Variants in KCNT2 observed in about 807,000 individuals in gnomAD.
KCNT2 encodes potassium channel subfamily T member 2.
A neutral mutation model predicts 153.8 loss-of-function variants in KCNT2; 67 were observed. That is an observed-to-expected ratio of 0.44 (90% confidence interval 0.36 to 0.53). The LOEUF (loss-of-function observed/expected upper bound fraction) is 0.53, where lower values mean the gene tolerates loss of function less well. Ranked by LOEUF, KCNT2 falls within the 20% of genes least tolerant of loss-of-function variation. KCNT2 has a pLI of 0.00. For synonymous variants in KCNT2, 500 were observed against 458.8 expected (o/e 1.09, Z -1.15); for missense variants, 975 against 1,354.8 (o/e 0.72, Z 4.40).
intron 13 of KCNT2, among the ~76,000 whole-genome samples, chr1:196,376,453 C>A (rs1572218458): frequency 6.6e-6 from 1 of 151,576 alleles, no homozygotes; most frequent in South Asian, 2.1e-4. Flanking sequence ...CAGGAACTAC[C>A]ACCAAATAAT....
At chr1:196,283,694 C>G (rs1429840186) in intron 23 of KCNT2, among the ~76,000 whole-genome samples, 1 of 152,040 alleles carries the variant, frequency 6.6e-6, no homozygotes, top group Non-Finnish European at 1.5e-5. Flanking sequence ...CTGGATTTTA[C>G]TAATTCAGAA....
intron 23 of KCNT2, among the ~76,000 whole-genome samples, chr1:196,284,251 ATATATATATAT>A (rs1659431589): frequency 4.1e-5 from 2 of 48,448 alleles, no homozygotes; most frequent in African/African-American, 9.1e-5. Flanking sequence ...AAAAAAAAAT[ATATATATATAT>A]ATATATATAT....
intron 1 of KCNT2, among the ~76,000 whole-genome samples, chr1:196,519,455 C>A (rs1653051398): frequency 6.6e-6 from 1 of 151,900 alleles, no homozygotes; most frequent in African/African-American, 2.4e-5. Context: ...CAGAGCTGAA[C>A]TGAAAGAGAT....
In KCNT2 at chr1:196,510,634, A is replaced by G. The variant is rs182924498; in HGVS notation, c.96-18293T>C. Among the ~76,000 whole-genome samples, 9 of 152,364 alleles carry G rather than the reference A, an allele frequency of 5.9e-5. No homozygotes were observed. The East Asian group carries it at 1.7e-3, about 29-fold the overall frequency. ...ATTTAGTAGTTAAATATTATTTCAT[A>G]AGACTTTATCATGTGTTAAGTATCA... On this transcript the variant is annotated intron_variant, in intron 1 of 27. Coordinates refer to ENST00000294725, the MANE Select transcript of KCNT2 (RefSeq NM_198503.5).
intron 1 of KCNT2, among the ~76,000 whole-genome samples, chr1:196,499,387 T>C (rs185142355): frequency 6.6e-6 from 1 of 152,348 alleles, no homozygotes; most frequent in East Asian, 1.9e-4. Flanking sequence ...GAATGTAAAC[T>C]CCATAAGGGC....
chr1:196,372,611 C>T (rs1168360430), intron 14 of KCNT2, among the ~76,000 whole-genome samples: 1 of 151,756 alleles, frequency 6.6e-6, no homozygotes, highest in Non-Finnish European at 1.5e-5. Context: ...TTTCTCCAAC[C>T]TTGAAATGCA....
At chr1:196,335,515 GA>G (rs1233860251) in intron 16 of KCNT2, among the ~76,000 whole-genome samples, 1 of 152,026 alleles carries the variant, frequency 6.6e-6, no homozygotes, top group African/African-American at 2.4e-5. Context: ...TCTCAATATA[GA>G]AAACATACAG....
At chr1:196,343,249 T>C (rs1572106529) in intron 14 of KCNT2, 1 of 152,352 alleles carries the variant, frequency 6.6e-6, no homozygotes, top group East Asian at 1.9e-4. Context: ...AAGTACAATG[T>C]CTTTTGTTCT....
At chr1:196,385,194 C>G (rs1306109816) in intron 13 of KCNT2, among the ~76,000 whole-genome samples, 6 of 152,168 alleles carry the variant, frequency 3.9e-5, no homozygotes, top group South Asian at 4.1e-4. Context: ...CCACCCCAAA[C>G]AGCCCACACA....
intron 14 of KCNT2, among the ~76,000 whole-genome samples, chr1:196,366,316 T>A (rs1668040959): frequency 6.6e-6 from 1 of 151,860 alleles, no homozygotes; most frequent in Non-Finnish European, 1.5e-5. Flanking sequence ...TGCACCACCA[T>A]GCCAGGCTAA....
intron 22 of KCNT2, among the ~76,000 whole-genome samples, chr1:196,289,401 C>G (rs1659979808): frequency 6.6e-6 from 1 of 152,026 alleles, no homozygotes; most frequent in South Asian, 2.1e-4. Context: ...TCCAAGAGGG[C>G]AGAGACCATG....
intron 8 of KCNT2, among the ~76,000 whole-genome samples, chr1:196,461,097 A>C (rs1677111311): frequency 1.3e-5 from 2 of 151,778 alleles, no homozygotes; most frequent in Non-Finnish European, 2.9e-5. Context: ...ACCATGTTGT[A>C]ATTCTTCATC....
rs201012445 is a variant in KCNT2, at chr1:196,562,708, CT to C, written c.95+45506del. Among the ~76,000 whole-genome samples the C allele has an allele frequency of 5.1e-3, 724 of 142,540 alleles. 4 individuals carry two copies. Among genetic ancestry groups the C allele is most frequent in the African/African-American group, 0.011 (444 of 39,254 alleles). The allele number at this position is 142,540 out of a possible 152,430, so 93.5% of individuals were successfully genotyped here. On this transcript the variant is annotated intron_variant, in intron 1 of 27. Transcript: ENST00000294725. ...AGTAAGGTTCTGATTTCTTTCTTCT[CT>C]TTTTTTTTTTTCCTGAATTGCTAAT...
chr1:196,251,723 G>T (rs952261197), intron 26 of KCNT2, among the ~76,000 whole-genome samples: 2 of 151,848 alleles, frequency 1.3e-5, no homozygotes, highest in African/African-American at 4.8e-5. Context: ...ATAATTTATT[G>T]TGCATTTAAA....
intron 14 of KCNT2, among the ~76,000 whole-genome samples, chr1:196,365,809 T>C (rs1003176271): frequency 6.6e-6 from 1 of 152,212 alleles, no homozygotes; most frequent in Non-Finnish European, 1.5e-5. Flanking sequence ...TCTCTCAAAC[T>C]GCCAATTTTG....
At chr1:196,351,612 A>G (rs972974272) in intron 14 of KCNT2, among the ~76,000 whole-genome samples, 94 of 151,942 alleles carry the variant, frequency 6.2e-4, no homozygotes, top group Middle Eastern at 3.4e-3. Flanking sequence ...GGGCTGAGAC[A>G]ATGGGGTTTT....
intron 19 of KCNT2, among the ~76,000 whole-genome samples, chr1:196,322,256 A>T (rs1431072991): frequency 6.6e-6 from 1 of 151,946 alleles, no homozygotes; most frequent in Admixed American, 6.6e-5. Context: ...AAACAGATTA[A>T]TAAGAAATAA....
chr1:196,445,377 G>C (rs1182789918), intron 8 of KCNT2, among the ~76,000 whole-genome samples: 1 of 151,228 alleles, frequency 6.6e-6, no homozygotes, highest in East Asian at 2.0e-4. Flanking sequence ...ATAGTCTCTA[G>C]TCAACATTTT....
At chr1:196,328,643 A>T (rs1485632212) in intron 18 of KCNT2, among the ~76,000 whole-genome samples, 1 of 151,858 alleles carries the variant, frequency 6.6e-6, no homozygotes, top group Non-Finnish European at 1.5e-5. Flanking sequence ...GAAAAAAAAA[A>T]AAAACCAGAA....
Sources: allele counts gnomAD v4.1 joint callset (sites outside exome capture counted in the v4.1 genomes callset), GRCh38; gene constraint gnomAD v4.1.1; transcripts MANE v1.5; gene names NCBI Gene and HGNC (gene_info 2026-07-23, HGNC 2026-07-21).